Variants in DNAH5 observed in about 807,000 individuals in gnomAD.
DNAH5 encodes the protein dynein axonemal heavy chain 5, also known as axonemal beta dynein heavy chain 5.
Under a neutral mutation model 518.2 loss-of-function variants are expected in DNAH5, and 372 were observed. The ratio of observed to expected loss-of-function variants is 0.72; its 90% CI spans 0.66 to 0.78. The LOEUF (loss-of-function observed/expected upper bound fraction) is 0.78, where lower values mean the gene tolerates loss of function less well. Ranked by LOEUF, DNAH5 falls within the 30% of genes least tolerant of loss-of-function variation. The probability of loss-of-function intolerance (pLI) is 0.00; values close to 1 mark genes in which losing one functional copy is unlikely to be tolerated. For synonymous variants in DNAH5, 2,039 were observed against 2,025.9 expected (o/e 1.01, Z -0.17); for missense variants, 5,523 against 5,687.0 (o/e 0.97, Z 0.93).
At chr5:13,913,129 T>C (rs893861100) in intron 11 of DNAH5, among the ~76,000 whole-genome samples, 1 of 152,044 alleles carries the variant, frequency 6.6e-6, no homozygotes, top group African/African-American at 2.4e-5. Context: ...AAAAATTGAC[T>C]ATGTCCATAT....
At chr5:13,927,819 C>T (rs887774514) in intron 3 of DNAH5, among the ~76,000 whole-genome samples, 6 of 152,206 alleles carry the variant, frequency 3.9e-5, no homozygotes, top group Non-Finnish European at 5.9e-5. Flanking sequence ...ATTGCCAGCA[C>T]AGCCTGAGAA....
chr5:13,886,042 C>G lies in DNAH5; in HGVS notation c.2665G>C (p.Asp889His). 2 of 1,612,468 alleles carry G rather than the reference C, an allele frequency of 1.2e-6. No individual in the cohort carries two copies. Among genetic ancestry groups the G allele is most frequent in the Non-Finnish European group, 1.7e-6 (2 of 1,179,704 alleles). The change falls in exon 18 of 79, where the codon GAT (aspartate) becomes CAT (histidine). Residue 889 changes from aspartate (D) to histidine (H), a missense_variant. This residue lies in a region of DNAH5 where 5,121 missense variants were observed against 5,223.3 expected (regional missense o/e 0.98). Transcript: ENST00000265104. ...TCTTCTTCAGATAAAACTTCCACAT[C>G]CAGCAACATATTTACAAGCTCATTG... ...AVNELVNMLL[D>H]VEVLSEEESE...
At chr5:13,889,791 G>C (rs1772940595) in intron 17 of DNAH5, among the ~76,000 whole-genome samples, 1 of 152,098 alleles carries the variant, frequency 6.6e-6, no homozygotes, top group Admixed American at 6.5e-5. Flanking sequence ...AAAAAGCCTG[G>C]ACAGGGACTC....
chr5:13,837,457 G>C (rs11133764), intron 35 of DNAH5, among the ~76,000 whole-genome samples: 1 of 151,636 alleles, frequency 6.6e-6, no homozygotes, highest in Non-Finnish European at 1.5e-5. Context: ...GGAGTCAGTG[G>C]GGGTGTTGGC....
At chr5:13,746,783 T>C (rs6896783) in intron 65 of DNAH5, among the ~76,000 whole-genome samples, 109,765 of 151,938 alleles carry the variant, frequency 0.72, 39,817 homozygotes, top group African/African-American at 0.78. Flanking sequence ...CTTTTACCCT[T>C]GGCTCATTTT....
intron 35 of DNAH5, among the ~76,000 whole-genome samples, chr5:13,833,943 CTG>C (rs1176318928): frequency 6.6e-6 from 1 of 152,222 alleles, no homozygotes; most frequent in African/African-American, 2.4e-5. Flanking sequence ...GCTGCCCCAG[CTG>C]TTAAATTCAC....
intron 1 of DNAH5, among the ~76,000 whole-genome samples, chr5:13,999,851 C>A (rs1335254941): frequency 2.0e-5 from 3 of 152,236 alleles, no homozygotes; most frequent in African/African-American, 7.2e-5. Context: ...CTTTCCAACA[C>A]TTGCCCTTTG....
chr5:13,818,338 C>T (rs1379024756), intron 41 of DNAH5, among the ~76,000 whole-genome samples: 1 of 152,194 alleles, frequency 6.6e-6, no homozygotes, highest in Non-Finnish European at 1.5e-5. Context: ...GTGGCTCACG[C>T]CTGTAATCCC....
Position 13,862,851 on chromosome 5 carries a change from TAA to T in DNAH5, c.4597-106_4597-105del. On this transcript the variant is annotated intron_variant, in intron 28 of 78. Transcript: ENST00000265104. ...CTTCACTATTTGCTTCATATATATA[TAA>T]ATATATATATAAACTTTTATATTTC... 28 of 337,356 alleles carry T rather than the reference TAA, an allele frequency of 8.3e-5. 1 individual carries two copies. The South Asian group carries it at 1.7e-3, about 21-fold the overall frequency. The allele number at this position is 337,356 out of a possible 1,614,324, so 20.9% of individuals were successfully genotyped here.
intron 21 of DNAH5, among the ~76,000 whole-genome samples, chr5:13,878,851 A>C (rs1156396561): frequency 6.6e-6 from 1 of 152,216 alleles, no homozygotes; most frequent in East Asian, 1.9e-4. Context: ...CAGAGAACTG[A>C]AGATAAATGC....
At chr5:13,947,404 GAT>G (rs1780017136), upstream of DNAH5, among the ~76,000 whole-genome samples, 1 of 152,128 alleles carries the variant, frequency 6.6e-6, no homozygotes, top group African/African-American at 2.4e-5. Flanking sequence ...TGTGACATCA[GAT>G]ATTTTGTCTC....
chr5:13,907,841 C>T (rs1188079089), intron 12 of DNAH5, among the ~76,000 whole-genome samples: 1 of 152,062 alleles, frequency 6.6e-6, no homozygotes, highest in African/African-American at 2.4e-5. Flanking sequence ...TTTTTTTCAA[C>T]TTACCAGTCA....
At chr5:14,008,958 G>A (rs1210989102) in intron 1 of DNAH5, among the ~76,000 whole-genome samples, 1 of 152,212 alleles carries the variant, frequency 6.6e-6, no homozygotes, top group African/African-American at 2.4e-5. Context: ...GCCCCTGCAA[G>A]GACAGGACAA....
At chr5:13,952,640 T>C (rs759138770) in intron 1 of DNAH5, among the ~76,000 whole-genome samples, 27 of 152,156 alleles carry the variant, frequency 1.8e-4, no homozygotes, top group Non-Finnish European at 2.6e-4. Flanking sequence ...CCATTTATAA[T>C]CCCATCCAGG....
At chr5:13,844,011 C>T (rs577382006) in intron 32 of DNAH5, among the ~76,000 whole-genome samples, 1 of 149,796 alleles carries the variant, frequency 6.7e-6, no homozygotes, top group South Asian at 2.1e-4. Context: ...GACTCTCAGA[C>T]AGCAAGGAGC....
intron 55 of DNAH5, among the ~76,000 whole-genome samples, chr5:13,774,438 G>A (rs1296072779): frequency 6.6e-6 from 1 of 152,050 alleles, no homozygotes; most frequent in Non-Finnish European, 1.5e-5. Context: ...AGGCAGTTGA[G>A]TACACAGATT....
At chr5:13,716,307 TA>T (rs1265443446) in intron 74 of DNAH5, among the ~76,000 whole-genome samples, 179 bp downstream of exon 74, 2 of 152,088 alleles carry the variant, frequency 1.3e-5, no homozygotes, top group Non-Finnish European at 2.9e-5. Flanking sequence ...TCAGAACAAA[TA>T]TAAACATTTT....
At position 13,716,662 on chromosome 5, in the gene DNAH5, A is replaced by G. The variant is rs766597612; in HGVS notation, c.12734T>C (p.Met4245Thr). 159 of 1,613,528 alleles carry G rather than the reference A, an allele frequency of 9.9e-5. No individual in the cohort carries two copies. The highest frequency in any genetic ancestry group is 1.3e-4 in the Non-Finnish European group (155 of 1,179,646). The part of the protein sequence containing the change: ...KGVSWTTIRY[M>T]IGEIQYGGRV... Reference sequence around the variant, plus strand: ...GCCTCCATATTGAATCTCTCCTATCATGTAGCGGATGGTGGTCCAGGAGAC... The same window carrying G: ...GCCTCCATATTGAATCTCTCCTATCGTGTAGCGGATGGTGGTCCAGGAGAC... Residue 4245 changes from methionine to threonine, a missense_variant, in exon 74 of 79, where the codon ATG becomes ACG. Transcript: ENST00000265104.
intron 1 of DNAH5, among the ~76,000 whole-genome samples, chr5:14,007,461 G>T (rs1243136047): frequency 1.3e-5 from 2 of 152,138 alleles, no homozygotes; most frequent in East Asian, 3.9e-4. Flanking sequence ...TCTGGAAGCG[G>T]CTTCAAAAAA....
Sources: allele counts gnomAD v4.1 joint callset (sites outside exome capture counted in the v4.1 genomes callset), GRCh38; gene constraint gnomAD v4.1.1; regional missense constraint gnomAD v4.1.1; transcripts MANE v1.5; gene names NCBI Gene and HGNC (gene_info 2026-07-23, HGNC 2026-07-21).